FBN1: variants seen among roughly 807,000 people sequenced by gnomAD.
FBN1 encodes fibrillin 1, also known as fibrillin-1.
FBN1 carries 29 observed loss-of-function variants against 365.1 expected under a neutral mutation model. That is an observed-to-expected ratio of 0.08 (90% CI 0.06 to 0.11). FBN1 has a LOEUF of 0.11. Among genes scored for constraint, FBN1 ranks in the 10% least tolerant of loss-of-function variants. FBN1 has a pLI of 1.00. For synonymous variants in FBN1, 1,210 were observed against 1,270.5 expected, an observed-to-expected ratio of 0.95 and a Z score of 1.01; for missense variants, 2,476 against 3,703.2, an observed-to-expected ratio of 0.67 and a Z score of 8.60.
chr15:48,439,902 T>TC (rs1162465609), intron 50 of FBN1, among the ~76,000 whole-genome samples: 1 of 152,142 alleles, frequency 6.6e-6, no homozygotes, highest in Non-Finnish European at 1.5e-5. Context: ...TCCACCTGAG[T>TC]CCCATGGCAT....
chr15:48,539,971 G>A (rs999824392), intron 6 of FBN1, among the ~76,000 whole-genome samples: 2 of 152,052 alleles, frequency 1.3e-5, no homozygotes, highest in African/African-American at 2.4e-5. Context: ...ATTAAATACT[G>A]AGCTGTTGAA....
intron 4 of FBN1, among the ~76,000 whole-genome samples, chr15:48,606,613 A>G (rs1314430473): frequency 1.3e-5 from 2 of 152,240 alleles, no homozygotes; most frequent in Non-Finnish European, 2.9e-5. Context: ...TGACAATAAA[A>G]GGGTAACATC....
In FBN1 at chr15:48,535,890, A is replaced by G. The variant is rs80068624; in HGVS notation, c.737-1685T>C. 6.9e-3 allele frequency among the ~76,000 whole-genome samples: 1,048 copies of G among 152,314 alleles called. 7 individuals are homozygous for G. Among genetic ancestry groups the G allele is most frequent in the African/African-American group, 0.024 (1,012 of 41,554 alleles). ...TGTATTTTTTAAAATGTTTTTGAAA[A>G]TCAAGATTTTTACATATAGGCAGAA... On this transcript the variant is annotated intron_variant, in intron 7 of 65. Coordinates refer to ENST00000316623, the MANE Select transcript of FBN1 (RefSeq NM_000138.5).
intron 6 of FBN1, among the ~76,000 whole-genome samples, chr15:48,565,733 C>T (rs1308200105): frequency 6.6e-6 from 1 of 151,976 alleles, no homozygotes; most frequent in Non-Finnish European, 1.5e-5. Context: ...GAAACCATTA[C>T]TCAACAGTGT....
chr15:48,452,072 C>T (rs1189257838), intron 45 of FBN1, among the ~76,000 whole-genome samples: 1 of 152,190 alleles, frequency 6.6e-6, no homozygotes, highest in Admixed American at 6.5e-5. Flanking sequence ...AAAGCGATGG[C>T]TTTGTTTGTT....
rs778840314 is a variant in FBN1 at position 48,490,044 on chromosome 15, C to T, written c.2889G>A (p.Glu963=). The T allele has an allele frequency of 6.2e-7, 1 of 1,614,162 alleles. No homozygotes were observed. Among genetic ancestry groups the T allele is most frequent in the Non-Finnish European group, 8.5e-7 (1 of 1,180,040 alleles). ...CAATAGGCAGGGTGCACTCCTCGTCCTCGTACCTCAGGAAGCAGGTTTCCA... is the reference window on the plus strand; with the variant it reads ...CAATAGGCAGGGTGCACTCCTCGTCTTCGTACCTCAGGAAGCAGGTTTCCA... ...IRLETCFLRY[E]DEECTLPIAG... Residue 963 remains glutamate (E), a synonymous_variant, in exon 25 of 66, where the codon GAG becomes GAA. Coordinates refer to ENST00000316623, the MANE Select transcript of FBN1 (RefSeq NM_000138.5).
intron 55 of FBN1, among the ~76,000 whole-genome samples, chr15:48,432,019 T>C (rs1328891152): frequency 6.6e-6 from 1 of 152,218 alleles, no homozygotes; most frequent in Non-Finnish European, 1.5e-5. Context: ...GACTATTTTA[T>C]ATTATATATC....
chr15:48,541,281 T>G (rs1406063201), intron 6 of FBN1, among the ~76,000 whole-genome samples: 1 of 152,218 alleles, frequency 6.6e-6, no homozygotes, highest in East Asian at 1.9e-4. Flanking sequence ...GGCGAATACT[T>G]TATGTAGAAT....
intron 53 of FBN1, among the ~76,000 whole-genome samples, chr15:48,435,792 G>A (rs1295651776): frequency 4.7e-5 from 7 of 149,914 alleles, no homozygotes; most frequent in African/African-American, 9.9e-5. Flanking sequence ...GTGTGTGTGT[G>A]TGTGTGTGTG....
At chr15:48,533,557 G>T (rs758914072) in intron 8 of FBN1, among the ~76,000 whole-genome samples, 1 of 152,086 alleles carries the variant, frequency 6.6e-6, no homozygotes, top group African/African-American at 2.4e-5. Context: ...TTTTCTGTTT[G>T]ACTAACATTA....
At chr15:48,592,559 T>C (rs1298200500) in intron 6 of FBN1, among the ~76,000 whole-genome samples, 2 of 151,946 alleles carry the variant, frequency 1.3e-5, no homozygotes, top group Non-Finnish European at 2.9e-5. Context: ...AGCTAAGAAG[T>C]GATTAAGTTC....
chr15:48,551,091 C>T (rs2044138121), intron 6 of FBN1, among the ~76,000 whole-genome samples: 1 of 152,164 alleles, frequency 6.6e-6, no homozygotes, highest in Non-Finnish European at 1.5e-5. Flanking sequence ...ACTTATAATT[C>T]CGTGAATCTA....
chr15:48,463,016 T>C (rs1299066051), intron 42 of FBN1, 66 bp downstream of exon 42: 6 of 1,506,614 alleles, frequency 4.0e-6, no homozygotes, highest in Non-Finnish European at 5.5e-6. Flanking sequence ...CTAAGACTGA[T>C]TTCCCCAACA....
At chr15:48,583,076 T>A (rs1386815185) in intron 6 of FBN1, among the ~76,000 whole-genome samples, 3 of 152,228 alleles carry the variant, frequency 2.0e-5, no homozygotes, top group African/African-American at 7.2e-5. Context: ...TTCCTACACA[T>A]GCCCTTCTAA....
chr15:48,495,611 TTA>T, intron 20 of FBN1, 23 bp from the exon 21 acceptor site: 6 of 1,614,032 alleles, frequency 3.7e-6, no homozygotes, highest in Non-Finnish European at 4.2e-6. Context: ...CAGGTCTACA[TTA>T]CTGCTAAAAT....
chr15:48,559,682 A>G (rs2044209319), intron 6 of FBN1, among the ~76,000 whole-genome samples: 1 of 152,216 alleles, frequency 6.6e-6, no homozygotes, highest in Non-Finnish European at 1.5e-5. Flanking sequence ...AGGTTTCTAC[A>G]GTATTCAAGG....
At chr15:48,618,180 A>G (rs1597636421) in intron 2 of FBN1, among the ~76,000 whole-genome samples, 1 of 152,178 alleles carries the variant, frequency 6.6e-6, no homozygotes, top group Non-Finnish European at 1.5e-5. Context: ...CTTCCCATGT[A>G]ATGTGTCCCA....
intron 31 of FBN1, among the ~76,000 whole-genome samples, 167 bp from the exon 32 acceptor site, chr15:48,481,947 T>C (rs2043468771): frequency 1.3e-5 from 2 of 152,234 alleles, no homozygotes; most frequent in African/African-American, 4.8e-5. Flanking sequence ...CTTCATTCTT[T>C]ACATTGCAAG....
chr15:48,430,708 G>A lies in FBN1; in HGVS notation c.6834C>T (p.Pro2278=), dbSNP rs397515839. The A allele has an allele frequency of 1.8e-4, 285 of 1,613,692 alleles. No individual in the cohort carries two copies. The highest frequency in any genetic ancestry group is 4.0e-4 in the South Asian group (36 of 91,078). The change falls in exon 56 of 66, where the codon CCC becomes CCT. Residue 2278 remains proline (P), a synonymous_variant. Coordinates refer to ENST00000316623, the MANE Select transcript of FBN1 (RefSeq NM_000138.5). Reference sequence around the variant, plus strand: ...CTCCATCAGGTCTCCGCTGATACCCGGGTCCACAGATGCACATATATGTGC... The same window carrying A: ...CTCCATCAGGTCTCCGCTGATACCCAGGTCCACAGATGCACATATATGTGC... ...LIGTYMCICG[P]GYQRRPDGEG...
Sources: allele counts gnomAD v4.1 joint callset (sites outside exome capture counted in the v4.1 genomes callset), GRCh38; gene constraint gnomAD v4.1.1; transcripts MANE v1.5; gene names NCBI Gene and HGNC (gene_info 2026-07-23, HGNC 2026-07-21).